The following PRPF18 variants were observed in gnomAD, a reference collection of about 807,000 sequenced individuals.
PRPF18 encodes the protein pre-mRNA-splicing factor 18.
Under a neutral mutation model 46.5 loss-of-function variants are expected in PRPF18, and 38 were observed. The ratio of observed to expected loss-of-function variants is 0.82; its 90% CI spans 0.63 to 1.07. PRPF18 has a LOEUF of 1.07. Ranked by LOEUF, PRPF18 falls within the 50% of genes least tolerant of loss-of-function variation. PRPF18 has a pLI of 0.00. For synonymous variants in PRPF18, 152 were observed against 146.7 expected (o/e 1.04, Z -0.26); for missense variants, 263 against 410.0 (o/e 0.64, Z 3.10).
chr10:13,605,518 C>A (rs199522199), intron 3 of PRPF18, 113 bp from the exon 4 acceptor site: 1 of 1,111,562 alleles, frequency 9.0e-7, no homozygotes, highest in Admixed American at 3.7e-5. Flanking sequence ...GGAGGCGGAG[C>A]TTGCAGTGAG....
chr10:13,623,663 C>A (rs569542169), intron 9 of PRPF18, among the ~76,000 whole-genome samples: 1 of 147,672 alleles, frequency 6.8e-6, no homozygotes, highest in Non-Finnish European at 1.5e-5. Flanking sequence ...ATTAAAGAGG[C>A]AAATCAAGGC....
downstream of PRPF18, among the ~76,000 whole-genome samples, chr10:13,634,668 A>G (rs548629049): frequency 6.6e-6 from 1 of 152,330 alleles, no homozygotes; most frequent in Non-Finnish European, 1.5e-5. Context: ...TTTGGACCAC[A>G]ACTCAAAACA....
chr10:13,654,305 G>A, the PRPF18 span: 1,410 of 788,616 alleles, frequency 1.8e-3, 17 homozygotes, highest in African/African-American at 0.021. Context: ...ACACCTCCCA[G>A]TGATGAACCC....
chr10:13,587,851 C>G (rs145660691), intron 1 of PRPF18, among the ~76,000 whole-genome samples: 1,952 of 152,222 alleles, frequency 0.013, 19 homozygotes, highest in Middle Eastern at 0.058. Context: ...TGCGTTTTGT[C>G]CAATTCTTTG....
intron 1 of PRPF18, among the ~76,000 whole-genome samples, chr10:13,590,964 A>G (rs576006085): frequency 1.3e-5 from 2 of 152,358 alleles, no homozygotes; most frequent in South Asian, 2.1e-4. Flanking sequence ...TATATTTTTC[A>G]AAGTGCTATA....
intron 8 of PRPF18, 52 bp from the exon 9 acceptor site, chr10:13,616,346 A>T: frequency 6.6e-7 from 1 of 1,516,676 alleles, no homozygotes; most frequent in African/African-American, 1.4e-5. Context: ...TAAGAATTTG[A>T]GCCAGTACAA....
chr10:13,597,464 A>G lies in PRPF18; in HGVS notation c.73A>G (p.Lys25Glu). ...VEDRNLLVEN[K>E]KYFKRSELAK... ...AATTTATTTTCTTTAATAGGAAAAT[A>G]AAAAATATTTCAAGCGTAGTGAGCT... The change falls in exon 2 of 10, where the codon AAA becomes GAA. Residue 25 changes from lysine to glutamate, a missense_variant. Coordinates refer to ENST00000378572, the MANE Select transcript of PRPF18 (RefSeq NM_003675.4). 6.3e-7 allele frequency: 1 copy of G among 1,589,788 alleles called. No individual in the cohort carries two copies. Among genetic ancestry groups the G allele is most frequent in the Non-Finnish European group, 8.6e-7 (1 of 1,168,820 alleles).
At chr10:13,635,614 T>C (rs914496222), downstream of PRPF18, among the ~76,000 whole-genome samples, 2 of 152,244 alleles carry the variant, frequency 1.3e-5, no homozygotes, top group Admixed American at 1.3e-4. Flanking sequence ...TGGTAGCTTA[T>C]TGAGGTTTTG....
At chr10:13,607,477 A>G (rs1461320883) in intron 4 of PRPF18, among the ~76,000 whole-genome samples, 1 of 151,984 alleles carries the variant, frequency 6.6e-6, no homozygotes, top group African/African-American at 2.4e-5. Context: ...GTTCAGCATG[A>G]TCATGGCTAA....
intron 4 of PRPF18, among the ~76,000 whole-genome samples, chr10:13,609,407 T>C (rs147085046): frequency 0.011 from 1,712 of 152,296 alleles, 29 homozygotes; most frequent in African/African-American, 0.034. Context: ...CCCAGATAGC[T>C]TTTACTCTCA....
rs571216287 is a variant in PRPF18 at position 13,592,758 on chromosome 10, T to A, written c.67-4700T>A. Reference sequence around the variant, plus strand: ...GCTCTAGAAACTCAATGGGGAGTAATTAGTAGTTTTACTAGTTGTAGTTAT... The same window carrying A: ...GCTCTAGAAACTCAATGGGGAGTAAATAGTAGTTTTACTAGTTGTAGTTAT... On this transcript the variant is annotated intron_variant, in intron 1 of 9. Transcript: ENST00000378572. Among the ~76,000 whole-genome samples, 49 of 152,318 alleles carry A rather than the reference T, an allele frequency of 3.2e-4. No individual in the cohort carries two copies. In the South Asian group the frequency reaches 0.01, roughly 32 times the overall value.
intron 9 of PRPF18, among the ~76,000 whole-genome samples, chr10:13,626,659 G>A (rs975417586): frequency 2.6e-5 from 4 of 152,262 alleles, no homozygotes; most frequent in Admixed American, 2.6e-4. Context: ...ACCAAGCACT[G>A]TCAGTATAGT....
At chr10:13,610,715 A>G (rs539333154) in intron 5 of PRPF18, among the ~76,000 whole-genome samples, 7 of 152,326 alleles carry the variant, frequency 4.6e-5, no homozygotes, top group African/African-American at 1.2e-4. Context: ...CCTGATGAAC[A>G]GTCTTGTGCA....
At chr10:13,605,540 C>T (rs560129861) in intron 3 of PRPF18, 91 bp from the exon 4 acceptor site, 8 of 1,316,494 alleles carry the variant, frequency 6.1e-6, no homozygotes, top group Admixed American at 2.7e-5. Context: ...CGAGATCGCA[C>T]CACTGCACTC....
At chr10:13,608,814 C>T (rs1451007077) in intron 4 of PRPF18, among the ~76,000 whole-genome samples, 1 of 152,208 alleles carries the variant, frequency 6.6e-6, no homozygotes, top group Non-Finnish European at 1.5e-5. Context: ...GGACAAAGCA[C>T]AGGAGCACAA....
chr10:13,609,429 A>G (rs918019801), intron 4 of PRPF18, among the ~76,000 whole-genome samples: 2 of 152,190 alleles, frequency 1.3e-5, no homozygotes, highest in South Asian at 2.1e-4. Flanking sequence ...CCATTACCCT[A>G]TAGCCGCCTC....
the PRPF18 span, chr10:13,641,750 TAGATG>T: frequency 1.3e-5 from 2 of 152,258 alleles, no homozygotes; most frequent in South Asian, 2.1e-4. Flanking sequence ...CAAGTGATAT[TAGATG>T]AGAACAGAGA....
At chr10:13,596,876 C>A (rs574528800) in intron 1 of PRPF18, among the ~76,000 whole-genome samples, 2 of 151,976 alleles carry the variant, frequency 1.3e-5, no homozygotes, top group Non-Finnish European at 2.9e-5. Context: ...ACCAGAAAAA[C>A]GCACAAAAAA....
At chr10:13,632,576 A>G (rs142316005), downstream of PRPF18, 1 of 152,334 alleles carries the variant, frequency 6.6e-6, no homozygotes, top group Non-Finnish European at 1.5e-5. Context: ...AATGTTCCAT[A>G]TAAAGAAACT....
Sources: gnomAD v4.1 joint callset for allele counts (sites outside exome capture counted in the v4.1 genomes callset) on GRCh38, gnomAD v4.1.1 for gene constraint, MANE v1.5 for transcripts, NCBI Gene and HGNC (gene_info 2026-07-23, HGNC 2026-07-21) for gene names.